NTNG1: variants seen among roughly 807,000 people sequenced by gnomAD.
NTNG1 encodes netrin-G1.
Under a neutral mutation model 54.0 loss-of-function variants are expected in NTNG1, and 16 were observed. The ratio of observed to expected loss-of-function variants is 0.30; its 90% CI spans 0.20 to 0.45. The LOEUF is 0.45. Among genes scored for constraint, NTNG1 ranks in the 20% least tolerant of loss-of-function variants. NTNG1 has a pLI of 1.00. For synonymous variants in NTNG1, 255 were observed against 263.1 expected, an observed-to-expected ratio of 0.97 and a Z score of 0.30; for missense variants, 530 against 678.7, an observed-to-expected ratio of 0.78 and a Z score of 2.43.
chr1:107,447,129 A>T (rs980536150), intron 7 of NTNG1, among the ~76,000 whole-genome samples: 3 of 152,144 alleles, frequency 2.0e-5, no homozygotes, highest in Non-Finnish European at 2.9e-5. Context: ...TATGTCTCAG[A>T]GATAAAACAC....
chr1:107,252,697 AAC>A (rs1662687025), intron 2 of NTNG1, among the ~76,000 whole-genome samples: 2 of 152,148 alleles, frequency 1.3e-5, no homozygotes, highest in Non-Finnish European at 1.5e-5. Context: ...ACAACTAACA[AAC>A]ACAGTCTTTT....
At chr1:107,269,649 T>C (rs1440432593) in intron 2 of NTNG1, among the ~76,000 whole-genome samples, 1 of 152,238 alleles carries the variant, frequency 6.6e-6, no homozygotes, top group Non-Finnish European at 1.5e-5. Flanking sequence ...TGAATGTTCC[T>C]CTTAATTGAT....
intron 5 of NTNG1, among the ~76,000 whole-genome samples, chr1:107,425,174 T>A (rs911807748): frequency 7.1e-6 from 1 of 141,718 alleles, no homozygotes; most frequent in Admixed American, 7.1e-5. Flanking sequence ...CATGAAGAGA[T>A]GAAAAGTTGA....
intron 7 of NTNG1, among the ~76,000 whole-genome samples, chr1:107,453,990 G>C (rs1346018656): frequency 6.6e-6 from 1 of 152,026 alleles, no homozygotes; most frequent in African/African-American, 2.4e-5. Context: ...AACTCACTGT[G>C]ATAGGTCCAA....
intron 2 of NTNG1, among the ~76,000 whole-genome samples, chr1:107,218,161 G>C (rs1275306968): frequency 6.6e-6 from 1 of 152,146 alleles, no homozygotes; most frequent in Non-Finnish European, 1.5e-5. Context: ...ATTTAGGACT[G>C]TGATATTTTC....
intron 2 of NTNG1, among the ~76,000 whole-genome samples, chr1:107,203,936 T>A (rs1196100578): frequency 6.6e-6 from 1 of 152,020 alleles, no homozygotes; most frequent in Non-Finnish European, 1.5e-5. Context: ...TTAAAGTTTA[T>A]TCCACTAACT....
chr1:107,435,950 C>T (rs775649627), intron 6 of NTNG1, among the ~76,000 whole-genome samples: 5 of 152,156 alleles, frequency 3.3e-5, no homozygotes, highest in Non-Finnish European at 5.9e-5. Flanking sequence ...CAAGAAAACA[C>T]TGTATTCACC....
chr1:107,438,869 C>A (rs979154788), intron 7 of NTNG1, among the ~76,000 whole-genome samples: 4 of 152,214 alleles, frequency 2.6e-5, no homozygotes, highest in African/African-American at 9.7e-5. Context: ...CTGCCACATA[C>A]AAATCATAAA....
At chr1:107,358,382 A>G (rs923597976) in intron 3 of NTNG1, among the ~76,000 whole-genome samples, 12 of 150,402 alleles carry the variant, frequency 8.0e-5, no homozygotes, top group Non-Finnish European at 1.3e-4. Context: ...TTTGACATCT[A>G]TGACTAGAAT....
At chr1:107,451,186 T>C (rs1676603724) in intron 7 of NTNG1, among the ~76,000 whole-genome samples, 1 of 151,706 alleles carries the variant, frequency 6.6e-6, no homozygotes, top group Non-Finnish European at 1.5e-5. Context: ...TCATGCTATG[T>C]GCTATTTTTC....
At chr1:107,160,629 G>T (rs1339742644) in intron 2 of NTNG1, among the ~76,000 whole-genome samples, 4 of 151,882 alleles carry the variant, frequency 2.6e-5, no homozygotes, top group Non-Finnish European at 5.9e-5. Flanking sequence ...TCGTAACTTT[G>T]TGTCCATTCA....
chr1:107,349,749 C>A (rs1018670804), intron 3 of NTNG1, among the ~76,000 whole-genome samples: 2 of 152,022 alleles, frequency 1.3e-5, no homozygotes, highest in African/African-American at 4.8e-5. Context: ...GCTTTTCTAG[C>A]CTAATATTAT....
intron 4 of NTNG1, among the ~76,000 whole-genome samples, chr1:107,402,192 C>T (rs932525881): frequency 6.6e-6 from 1 of 152,154 alleles, no homozygotes; most frequent in African/African-American, 2.4e-5. Context: ...AGTCTATGTG[C>T]AGAGCCAGAT....
chr1:107,473,457 C>T (rs1678115373), intron 7 of NTNG1, among the ~76,000 whole-genome samples: 1 of 152,160 alleles, frequency 6.6e-6, no homozygotes, highest in African/African-American at 2.4e-5. Context: ...AGGAGTCCAT[C>T]TGTGGTCAGT....
At chr1:107,165,717 C>T (rs973121936) in intron 2 of NTNG1, among the ~76,000 whole-genome samples, 17 of 152,190 alleles carry the variant, frequency 1.1e-4, no homozygotes, top group African/African-American at 4.1e-4. Context: ...CTGCTCTCCA[C>T]TTTCACTCTT....
intron 1 of NTNG1, among the ~76,000 whole-genome samples, chr1:107,145,929 A>G (rs981092864): frequency 6.6e-6 from 1 of 152,096 alleles, no homozygotes; most frequent in African/African-American, 2.4e-5. Context: ...GGGTTCACAT[A>G]TATTTCCTTA....
intron 2 of NTNG1, among the ~76,000 whole-genome samples, chr1:107,216,971 C>A (rs113170455): frequency 6.6e-6 from 1 of 152,186 alleles, no homozygotes; most frequent in Non-Finnish European, 1.5e-5. Context: ...GCCACCACAC[C>A]CAGCAGATTC....
chr1:107,146,086 C>T (rs2101003909), intron 1 of NTNG1, among the ~76,000 whole-genome samples: 1 of 152,048 alleles, frequency 6.6e-6, no homozygotes, highest in Non-Finnish European at 1.5e-5. Context: ...GAAGACTAAT[C>T]TCAGGAAGCA....
At chr1:107,172,551 T>C (rs982016286) in intron 2 of NTNG1, among the ~76,000 whole-genome samples, 12 of 152,166 alleles carry the variant, frequency 7.9e-5, no homozygotes, top group African/African-American at 2.2e-4. Flanking sequence ...TCCCATAATG[T>C]GTGAAGTTAA....
Sources: gnomAD v4.1 joint callset for allele counts (sites outside exome capture counted in the v4.1 genomes callset) on GRCh38, gnomAD v4.1.1 for gene constraint, MANE v1.5 for transcripts, NCBI Gene and HGNC (gene_info 2026-07-23, HGNC 2026-07-21) for gene names.